The following GTF2B variants were observed in gnomAD, a reference collection of about 807,000 sequenced individuals.
The protein encoded by GTF2B is general transcription factor IIB, also known as transcription initiation factor IIB.
In GTF2B, 20 loss-of-function variants were observed where a neutral mutation model predicts 34.6. The ratio of observed to expected loss-of-function variants is 0.58; its 90% CI spans 0.41 to 0.84. The LOEUF (loss-of-function observed/expected upper bound fraction) is 0.84, where lower values mean the gene tolerates loss of function less well. GTF2B is among the 40% of genes least tolerant of loss of function. GTF2B has a pLI of 0.00. For missense variants in GTF2B, 237 were observed against 393.3 expected (o/e 0.60, Z 3.36); for synonymous variants, 142 against 132.4 (o/e 1.07, Z -0.50).
At position 88,857,604 on chromosome 1, in the gene GTF2B, C is replaced by CT. The variant is rs1471810169; in HGVS notation, c.536-118_536-117insA. The CT allele has an allele frequency of 1.7e-5, 10 of 602,086 alleles. No individual in the cohort carries two copies. The East Asian group carries it at 2.9e-4, about 17-fold the overall frequency. The allele number at this position is 602,086 out of a possible 1,614,324, so 37.3% of individuals were successfully genotyped here. On this transcript the variant is annotated intron_variant, in intron 5 of 6. Transcript: ENST00000370500. The stretch of plus-strand genomic sequence containing the variant: ...TCTAATTGTAAAACATTCAATCATA[C>CT]CTTAAAGATGAAACCCTAATCATCT...
intron 2 of GTF2B, among the ~76,000 whole-genome samples, chr1:88,874,653 T>G (rs1427935090): frequency 6.6e-6 from 1 of 151,978 alleles, no homozygotes; most frequent in Non-Finnish European, 1.5e-5. Context: ...AAGGAATTTT[T>G]AAAAACAGGA....
intron 2 of GTF2B, among the ~76,000 whole-genome samples, chr1:88,873,957 G>T (rs1017313669): frequency 6.6e-6 from 1 of 152,152 alleles, no homozygotes; most frequent in Non-Finnish European, 1.5e-5. Context: ...AATGGATGTT[G>T]GCAAATAACC....
intron 6 of GTF2B, among the ~76,000 whole-genome samples, chr1:88,856,444 G>A (rs201436871): frequency 1.3e-5 from 2 of 151,898 alleles, no homozygotes; most frequent in Middle Eastern, 3.4e-3. Context: ...TGCAAAATGG[G>A]AAAAAACCAA....
In GTF2B at chr1:88,891,540, C is replaced by G. The variant is rs765729700; in HGVS notation, c.-41G>C. On this transcript the variant is annotated 5_prime_UTR_variant, in exon 1 of 7. Transcript: ENST00000370500. ...GGTGCCCGCAACAAGACACAACAGA[C>G]ACACCGAAAGCAGGAAGCGAATGTG... 2.5e-6 allele frequency: 4 copies of G among 1,584,428 alleles called. No individual in the cohort carries two copies. Among genetic ancestry groups the G allele is most frequent in the African/African-American group, 1.3e-5 (1 of 74,230 alleles).
intron 2 of GTF2B, among the ~76,000 whole-genome samples, chr1:88,884,849 T>C (rs1674025963): frequency 1.3e-5 from 2 of 152,220 alleles, no homozygotes; most frequent in Admixed American, 1.3e-4. Context: ...TAATCCATAC[T>C]CCACCATGCC....
chr1:88,879,492 G>A (rs762781484), intron 2 of GTF2B, among the ~76,000 whole-genome samples: 35 of 151,554 alleles, frequency 2.3e-4, no homozygotes, highest in Non-Finnish European at 3.1e-4. Context: ...GCTGAGGCAC[G>A]AGAATCGCTT....
intron 6 of GTF2B, among the ~76,000 whole-genome samples, chr1:88,856,239 A>C (rs1673300195): frequency 7.5e-6 from 1 of 132,758 alleles, no homozygotes; most frequent in Non-Finnish European, 1.6e-5. Flanking sequence ...CTGTACCTCC[A>C]GCCTGCGCAA....
At chr1:88,875,834 A>C (rs1483171550) in intron 2 of GTF2B, among the ~76,000 whole-genome samples, 1 of 152,160 alleles carries the variant, frequency 6.6e-6, no homozygotes, top group Non-Finnish European at 1.5e-5. Context: ...GTGACCAACC[A>C]GCACAGTGCT....
Position 88,888,562 on chromosome 1 carries a change from G to C in GTF2B, c.18-1195C>G, listed in dbSNP as rs369272377. On this transcript the variant is annotated intron_variant, in intron 1 of 6. Transcript: ENST00000370500. ...TGAAATAAAGGAAAATGTTAGCAGA[G>C]TAACAGTAATTACAAATTAGTAAAA... is the stretch of plus-strand genomic sequence containing the variant. Among the ~76,000 whole-genome samples, 56 of 152,266 alleles carry C rather than the reference G, an allele frequency of 3.7e-4. No homozygotes were observed. The South Asian group carries it at 0.011, about 29-fold the overall frequency.
At chr1:88,890,185 T>G (rs1332113741) in intron 1 of GTF2B, among the ~76,000 whole-genome samples, 2 of 150,426 alleles carry the variant, frequency 1.3e-5, no homozygotes, top group Non-Finnish European at 2.9e-5. Context: ...TGGTAGAATT[T>G]TAAGTCGTAT....
intron 2 of GTF2B, among the ~76,000 whole-genome samples, chr1:88,871,264 T>C (rs1237986226): frequency 6.6e-6 from 1 of 152,228 alleles, no homozygotes; most frequent in Non-Finnish European, 1.5e-5. Context: ...TATACTTTAA[T>C]ACTTACATGT....
intron 2 of GTF2B, among the ~76,000 whole-genome samples, chr1:88,868,457 GT>G (rs753189092): frequency 3.3e-5 from 5 of 152,082 alleles, no homozygotes; most frequent in Non-Finnish European, 7.4e-5. Flanking sequence ...TTTTAATCAA[GT>G]TCCCCATCCA....
intron 1 of GTF2B, among the ~76,000 whole-genome samples, chr1:88,889,699 G>A (rs1458345726): frequency 6.6e-6 from 1 of 152,158 alleles, no homozygotes; most frequent in Non-Finnish European, 1.5e-5. Flanking sequence ...ACACCTTCCT[G>A]AGGGAAAAAC....
chr1:88,882,969 A>G (rs1673982839), intron 2 of GTF2B, among the ~76,000 whole-genome samples: 1 of 152,228 alleles, frequency 6.6e-6, no homozygotes, highest in African/African-American at 2.4e-5. Context: ...TCTGAAAAAC[A>G]CTGCTGAAAA....
At chr1:88,859,423 A>G (rs778299256) in intron 5 of GTF2B, among the ~76,000 whole-genome samples, 14 of 152,384 alleles carry the variant, frequency 9.2e-5, no homozygotes, top group East Asian at 3.9e-4. Flanking sequence ...AAGGAATGAA[A>G]TAAGTAGGCA....
chr1:88,873,311 T>C (rs1360182876), intron 2 of GTF2B, among the ~76,000 whole-genome samples: 1 of 151,474 alleles, frequency 6.6e-6, no homozygotes, highest in African/African-American at 2.4e-5. Flanking sequence ...TTTCTCAGCC[T>C]TCTAAGTAGC....
intron 2 of GTF2B, among the ~76,000 whole-genome samples, chr1:88,886,587 AT>A (rs1203816185): frequency 6.6e-6 from 1 of 152,230 alleles, no homozygotes; most frequent in African/African-American, 2.4e-5. Context: ...TTCCCAATGT[AT>A]AAAAAAGCCA....
At chr1:88,863,906 CT>C in intron 3 of GTF2B, 74 bp downstream of exon 3, 1 of 1,386,008 alleles carries the variant, frequency 7.2e-7, no homozygotes, top group Non-Finnish European at 1.0e-6. Context: ...GTGACTGATA[CT>C]TTTGCAAAGT....
chr1:88,857,719 G>A (rs1673348128), intron 5 of GTF2B, among the ~76,000 whole-genome samples: 1 of 101,664 alleles, frequency 9.8e-6, no homozygotes, highest in South Asian at 3.3e-4. Context: ...GTCTCACTCT[G>A]TCGCCCAGAC....
Sources: allele counts gnomAD v4.1 joint callset (sites outside exome capture counted in the v4.1 genomes callset), GRCh38; gene constraint gnomAD v4.1.1; transcripts MANE v1.5; gene names NCBI Gene and HGNC (gene_info 2026-07-23, HGNC 2026-07-21).